The following PLD1 variants were observed in gnomAD, a reference collection of about 807,000 sequenced individuals.
PLD1 encodes the protein choline phosphatase 1.
Under a neutral mutation model 137.1 loss-of-function variants are expected in PLD1, and 112 were observed. The observed-to-expected ratio is 0.82, with a 90% CI of 0.70 to 0.96. The LOEUF is 0.96. PLD1 is among the 40% of genes least tolerant of loss of function. PLD1 has a pLI of 0.00. For synonymous variants in PLD1, 431 were observed against 454.7 expected, an observed-to-expected ratio of 0.95 and a Z score of 0.66; for missense variants, 1,321 against 1,342.0, an observed-to-expected ratio of 0.98 and a Z score of 0.24.
intron 1 of PLD1, among the ~76,000 whole-genome samples, chr3:171,764,434 G>A (rs1721666463): frequency 6.6e-6 from 1 of 152,096 alleles, no homozygotes. Flanking sequence ...ATAAGGCAAC[G>A]AAGTTGAGTC....
intron 6 of PLD1, 32 bp downstream of exon 6, chr3:171,733,412 A>T (rs1344763810): frequency 1.2e-6 from 1 of 849,114 alleles, no homozygotes; most frequent in Non-Finnish European, 2.0e-6. Context: ...AGTGAAAATT[A>T]CTCCAAACTT....
At chr3:171,792,503 G>A in intron 1 of PLD1, 2 of 445,728 alleles carry the variant, frequency 4.5e-6, no homozygotes, top group South Asian at 3.2e-5. Flanking sequence ...AGGTGAGAAG[G>A]GGGCCCTCAG....
chr3:171,778,368 G>T (rs1722659261), intron 1 of PLD1, among the ~76,000 whole-genome samples: 1 of 152,134 alleles, frequency 6.6e-6, no homozygotes, highest in Non-Finnish European at 1.5e-5. Flanking sequence ...TTCTATTAGG[G>T]AAGACAGACT....
chr3:171,718,433 C>A (rs1295357387), intron 8 of PLD1, among the ~76,000 whole-genome samples: 1 of 152,176 alleles, frequency 6.6e-6, no homozygotes. Context: ...CTACTCTAAA[C>A]AATTGAGGAG....
chr3:171,781,819 G>T (rs1485245877), intron 1 of PLD1, among the ~76,000 whole-genome samples: 4 of 152,140 alleles, frequency 2.6e-5, no homozygotes, highest in Admixed American at 2.6e-4. Flanking sequence ...TTAGAAAAAA[G>T]TCTAGCCGTT....
chr3:171,612,712 A>G lies in PLD1; in HGVS notation c.2729-280T>C, dbSNP rs1032474728. Among the ~76,000 whole-genome samples the G allele has an allele frequency of 1.3e-5, 2 of 152,178 alleles. No individual in the cohort carries two copies. Among genetic ancestry groups the G allele is most frequent in the Admixed American group, 1.3e-4 (2 of 15,268 alleles). ...TGTGACATGAAGGAAAGCTTCTGAG[A>G]AAGAGTTTCCCCTTTGTATAAACAC... On this transcript the variant is annotated intron_variant, in intron 24 of 26. Coordinates refer to ENST00000351298, the MANE Select transcript of PLD1 (RefSeq NM_002662.5). This position sits in a 1 kb window ranked among gnomAD's most constrained non-coding sequence, Gnocchi z 4.1.
chr3:171,738,575 C>T (rs1261359606), intron 1 of PLD1, among the ~76,000 whole-genome samples: 2 of 152,098 alleles, frequency 1.3e-5, no homozygotes, highest in Non-Finnish European at 2.9e-5. Context: ...AATATTTCTA[C>T]ATTTTCTCTG....
chr3:171,680,832 T>C (rs1291758188), intron 16 of PLD1, among the ~76,000 whole-genome samples: 4 of 152,206 alleles, frequency 2.6e-5, no homozygotes, highest in African/African-American at 7.2e-5. Flanking sequence ...CAGATCATGA[T>C]GAAAATCTGC....
intron 26 of PLD1, 93 bp from the exon 27 acceptor site, chr3:171,603,395 T>A (rs1186020688): frequency 4.9e-6 from 4 of 821,498 alleles, no homozygotes; most frequent in Non-Finnish European, 2.0e-6. Flanking sequence ...ACAAGACCTC[T>A]GTTGTATGAA....
Position 171,708,857 on chromosome 3 carries a change from G to T in PLD1, c.1062-19C>A, listed in dbSNP as rs760997760. The T allele has an allele frequency of 6.5e-6, 9 of 1,386,534 alleles. No homozygotes were observed. Among genetic ancestry groups the T allele is most frequent in the South Asian group, 3.6e-5 (3 of 83,662 alleles). 85.9% of individuals were successfully genotyped at this position (1,386,534 alleles called of 1,614,324 possible). On this transcript the variant is annotated intron_variant, in intron 10 of 26. Coordinates refer to ENST00000351298, the MANE Select transcript of PLD1 (RefSeq NM_002662.5). ...AACATACCTGAAAGACAAGTTTATT[G>T]TTCCTTTTTGTTATTAAAAAAGAAA...
intron 1 of PLD1, among the ~76,000 whole-genome samples, chr3:171,788,250 C>A (rs201795018): frequency 2.7e-5 from 3 of 110,552 alleles, no homozygotes; most frequent in Non-Finnish European, 1.8e-5. Flanking sequence ...ATCTGCACTT[C>A]TTTTTTTTTT....
intron 25 of PLD1, among the ~76,000 whole-genome samples, chr3:171,609,270 T>C (rs1225035856): frequency 2.0e-5 from 3 of 152,106 alleles, no homozygotes; most frequent in African/African-American, 7.2e-5. Context: ...GAAAAGGGAA[T>C]GCATATACAC....
intron 8 of PLD1, 95 bp downstream of exon 8, chr3:171,724,601 T>G: frequency 1.4e-6 from 1 of 737,714 alleles, no homozygotes; most frequent in Non-Finnish European, 2.4e-6. Context: ...TGCCATTGCT[T>G]TTAAAGGATT....
At chr3:171,607,246 T>C (rs1732287138) in intron 25 of PLD1, among the ~76,000 whole-genome samples, 1 of 152,176 alleles carries the variant, frequency 6.6e-6, no homozygotes, top group Non-Finnish European at 1.5e-5. Flanking sequence ...GGCTGCTAAT[T>C]GAGACCCAAA....
At chr3:171,724,916 C>A in intron 7 of PLD1, 128 bp from the exon 8 acceptor site, 1 of 686,550 alleles carries the variant, frequency 1.5e-6, no homozygotes, top group East Asian at 2.7e-5. Flanking sequence ...ACTCTCTCCT[C>A]CTCGCTCTCA....
intron 9 of PLD1, among the ~76,000 whole-genome samples, chr3:171,710,035 G>A (rs1717032703): frequency 6.6e-6 from 1 of 151,996 alleles, no homozygotes; most frequent in Admixed American, 6.6e-5. Context: ...AGAGCTGTTG[G>A]CTCCCGTACA....
At chr3:171,729,172 T>C (rs913646512) in intron 6 of PLD1, among the ~76,000 whole-genome samples, 2 of 152,248 alleles carry the variant, frequency 1.3e-5, no homozygotes, top group East Asian at 3.8e-4. Flanking sequence ...GCAGGGCTTA[T>C]TCCATTGATC....
chr3:171,677,436 G>A (rs528597697), intron 17 of PLD1, 130 bp downstream of exon 17: 2 of 892,910 alleles, frequency 2.2e-6, no homozygotes, highest in Non-Finnish European at 3.4e-6. Context: ...AGTCTCCAAA[G>A]TTTTAAAAAA....
intron 11 of PLD1, among the ~76,000 whole-genome samples, chr3:171,703,901 AG>A (rs1245831141): frequency 6.6e-6 from 1 of 152,206 alleles, no homozygotes; most frequent in Non-Finnish European, 1.5e-5. Context: ...CCTCTGAGGC[AG>A]GGGAAATCTC....
Sources: allele counts gnomAD v4.1 joint callset (sites outside exome capture counted in the v4.1 genomes callset), GRCh38; gene constraint gnomAD v4.1.1; non-coding constraint Gnocchi (gnomAD v3.1); transcripts MANE v1.5; gene names NCBI Gene and HGNC (gene_info 2026-07-23, HGNC 2026-07-21).